Variants in SLC13A4 observed in about 807,000 individuals in gnomAD.
SLC13A4 encodes the protein solute carrier family 13 member 4, also known as Na(+)/sulfate cotransporter SUT-1.
A neutral mutation model predicts 72.7 loss-of-function variants in SLC13A4; 28 were observed. That is an observed-to-expected ratio of 0.39 (90% confidence interval 0.29 to 0.53). SLC13A4 has a LOEUF of 0.53. SLC13A4 is among the 20% of genes least tolerant of loss of function. The probability of loss-of-function intolerance (pLI) is 0.78; values close to 1 mark genes in which losing one functional copy is unlikely to be tolerated. For missense variants in SLC13A4, 653 were observed against 788.0 expected (o/e 0.83, Z 2.05); for synonymous variants, 312 against 325.5 (o/e 0.96, Z 0.45).
chr7:135,717,563 A>G (rs1432596933), intron 2 of SLC13A4, among the ~76,000 whole-genome samples: 1 of 152,238 alleles, frequency 6.6e-6, no homozygotes, highest in Non-Finnish European at 1.5e-5. Context: ...TCTCCGGGTC[A>G]GGAGCCCTTC....
intron 7 of SLC13A4, among the ~76,000 whole-genome samples, chr7:135,700,579 A>T (rs1438578229): frequency 6.6e-6 from 1 of 152,242 alleles, no homozygotes; most frequent in Admixed American, 6.5e-5. Context: ...TCTTTGGTCC[A>T]GTGGTTTTCC....
intron 15 of SLC13A4, among the ~76,000 whole-genome samples, chr7:135,682,582 C>T (rs999392022): frequency 6.6e-6 from 1 of 152,224 alleles, no homozygotes; most frequent in South Asian, 2.1e-4. Flanking sequence ...GGCATTTTGG[C>T]ATGGAGGACA....
At chr7:135,707,017 C>T (rs1238840579) in intron 3 of SLC13A4, among the ~76,000 whole-genome samples, 1 of 152,186 alleles carries the variant, frequency 6.6e-6, no homozygotes, top group African/African-American at 2.4e-5. Context: ...ATAAAGACTA[C>T]TGTGTTTATT....
At position 135,706,198 on chromosome 7, in the gene SLC13A4, C is replaced by T. The variant is rs779108591; in HGVS notation, c.468G>A (p.Gln156=). 6 of 1,614,038 alleles carry T rather than the reference C, an allele frequency of 3.7e-6. No individual in the cohort carries two copies. In the Admixed American group the frequency reaches 5.0e-5, roughly 13 times the overall value. ...MVMPIVEAVL[Q]ELVSAEDEQL... ...GCTCGTCCTCAGCACTGACCAGCTCCTGCAGCACGGCCTCCACGATGGGCA... is the reference window on the plus strand; with the variant it reads ...GCTCGTCCTCAGCACTGACCAGCTCTTGCAGCACGGCCTCCACGATGGGCA... The change falls in exon 4 of 16, where the codon CAG becomes CAA. Residue 156 remains glutamine, a synonymous_variant. Coordinates refer to ENST00000682651, the MANE Select transcript of SLC13A4 (RefSeq NM_001318192.2).
intron 2 of SLC13A4, among the ~76,000 whole-genome samples, chr7:135,713,751 A>G (rs1276186733): frequency 6.6e-6 from 1 of 151,848 alleles, no homozygotes; most frequent in African/African-American, 2.4e-5. Flanking sequence ...CTAATTTTGT[A>G]TTTTCAGTAG....
intron 2 of SLC13A4, among the ~76,000 whole-genome samples, chr7:135,709,166 C>T (rs1313576987): frequency 2.6e-5 from 4 of 151,936 alleles, no homozygotes; most frequent in Admixed American, 1.3e-4. Context: ...CTCCTGACCT[C>T]GTGATCCTCC....
In SLC13A4 at chr7:135,705,661, C is replaced by T; in HGVS notation, c.539-11G>A. 6.2e-7 allele frequency: 1 copy of T among 1,613,364 alleles called. No individual in the cohort carries two copies. The highest frequency in any genetic ancestry group is 8.5e-7 in the Non-Finnish European group (1 of 1,179,402). ...TCTTTACATCCAGACCTATGAGTAG[C>T]AAAGAAAAGCAGTATGTGAGAGGTG... On this transcript the variant is annotated splice_polypyrimidine_tract_variant and intron_variant, in intron 4 of 15. Coordinates refer to ENST00000682651, the MANE Select transcript of SLC13A4 (RefSeq NM_001318192.2).
At chr7:135,708,611 A>C (rs1796223913) in intron 2 of SLC13A4, among the ~76,000 whole-genome samples, 1 of 152,186 alleles carries the variant, frequency 6.6e-6, no homozygotes, top group African/African-American at 2.4e-5. Flanking sequence ...GATCTTTTAA[A>C]ATAACCCTAG....
At chr7:135,683,897 A>G in intron 15 of SLC13A4, 1 of 674,544 alleles carries the variant, frequency 1.5e-6, no homozygotes, top group Non-Finnish European at 1.8e-6. Flanking sequence ...CTACCTAGGT[A>G]CCCACTTCCT....
chr7:135,682,098 G>A (rs558432359), intron 15 of SLC13A4, among the ~76,000 whole-genome samples: 3 of 152,324 alleles, frequency 2.0e-5, no homozygotes, highest in Admixed American at 6.5e-5. Context: ...GAACTTGTAC[G>A]AGGGGCTATA....
intron 1 of SLC13A4, among the ~76,000 whole-genome samples, chr7:135,724,537 G>GAC (rs1475119960): frequency 6.7e-6 from 1 of 148,372 alleles, no homozygotes; most frequent in East Asian, 2.0e-4. Context: ...AAAGGAGAGA[G>GAC]AGAGAAAGAA....
rs1378343707 is a variant in SLC13A4, at chr7:135,692,367, G to A, written c.1179C>T (p.Thr393=). 6.2e-7 allele frequency: 1 copy of A among 1,613,940 alleles called. No individual in the cohort carries two copies. Among genetic ancestry groups the A allele is most frequent in the Admixed American group, 1.7e-5 (1 of 59,988 alleles). The change falls in exon 11 of 16, where the codon ACC becomes ACT. Residue 393 remains threonine (T), a synonymous_variant. Transcript: ENST00000682651. ...AGCCAGGGACAAAGCCAGGCTCCCG[G>A]GTAAACCACAGTACGGTCATCAGGA... The part of the protein sequence containing the change: ...FFILMTVLWF[T]REPGFVPGWD...
chr7:135,702,715 C>G (rs752094156), intron 6 of SLC13A4, 130 bp downstream of exon 6: 7 of 791,038 alleles, frequency 8.8e-6, no homozygotes, highest in Non-Finnish European at 1.1e-5. Flanking sequence ...TCAATGGAAT[C>G]CTCACTGAAA....
At chr7:135,714,996 ATATG>A (rs1796382519) in intron 2 of SLC13A4, among the ~76,000 whole-genome samples, 1 of 146,628 alleles carries the variant, frequency 6.8e-6, no homozygotes, top group African/African-American at 2.5e-5. Context: ...ATGTGTGTGT[ATATG>A]TGAGTGTGTA....
At chr7:135,727,328 C>T (rs1796684469) in intron 1 of SLC13A4, 70 bp downstream of exon 1, 7 of 1,520,802 alleles carry the variant, frequency 4.6e-6, no homozygotes, top group East Asian at 2.5e-5. Context: ...CCCCATGTTC[C>T]CCTACCGACC....
Position 135,706,156 on chromosome 7 carries a change from G to T in SLC13A4, c.510C>A (p.Asn170Lys), listed in dbSNP as rs911456704. The T allele has an allele frequency of 1.9e-6, 3 of 1,606,480 alleles. No homozygotes were observed. In the South Asian group the frequency reaches 3.3e-5, roughly 18 times the overall value. ...TGGGTTCGGCCTCTTCGGTGTTGGA[G>T]TTGCCCGCCACGAGCTGCTCGTCCT... is the stretch of plus-strand genomic sequence containing the variant. ...SAEDEQLVAG[N>K]SNTEEAEPIS... The change falls in exon 4 of 16, where the codon AAC (asparagine) becomes AAA (lysine). Residue 170 changes from asparagine to lysine, a missense_variant. Coordinates refer to ENST00000682651, the MANE Select transcript of SLC13A4 (RefSeq NM_001318192.2).
intron 1 of SLC13A4, among the ~76,000 whole-genome samples, chr7:135,722,504 T>C (rs888958649): frequency 6.6e-6 from 1 of 151,894 alleles, no homozygotes; most frequent in African/African-American, 2.4e-5. Context: ...CAGCAAGGCC[T>C]GGAATCTGGA....
In SLC13A4 at chr7:135,683,555, G is replaced by A. The variant is rs1261073677; in HGVS notation, c.1746+569C>T. 4 of 985,270 alleles carry A rather than the reference G, an allele frequency of 4.1e-6. No homozygotes were observed. In the East Asian group the frequency reaches 4.5e-4, roughly 112 times the overall value. The allele number at this position is 985,270 out of a possible 1,614,324, so 61.0% of individuals were successfully genotyped here. A position where few individuals can be genotyped will look rare whatever the true frequency, so the allele number is the denominator to read the frequency against. ...GAGGAGTAGAAGGTAGATAGGCCCA[G>A]TGCTAAAGTCAGCAGCAAAATATCT... is the stretch of plus-strand genomic sequence containing the variant. On this transcript the variant is annotated intron_variant, in intron 15 of 15. Coordinates refer to ENST00000682651, the MANE Select transcript of SLC13A4 (RefSeq NM_001318192.2).
chr7:135,698,433 C>T (rs1795954433), intron 8 of SLC13A4, among the ~76,000 whole-genome samples: 1 of 144,084 alleles, frequency 6.9e-6, no homozygotes, highest in Non-Finnish European at 1.5e-5. Context: ...CTCCTGGGGT[C>T]AAGTGATTCT....
Sources: gnomAD v4.1 joint callset for allele counts (sites outside exome capture counted in the v4.1 genomes callset) on GRCh38, gnomAD v4.1.1 for gene constraint, MANE v1.5 for transcripts, NCBI Gene and HGNC (gene_info 2026-07-23, HGNC 2026-07-21) for gene names.